The following LRRC37A2 variants were observed in gnomAD, a reference collection of about 807,000 sequenced individuals.
The protein encoded by LRRC37A2 is leucine rich repeat containing 37 member A2.
LRRC37A2 carries 9 observed loss-of-function variants against 68.8 expected under a neutral mutation model. The ratio of observed to expected loss-of-function variants is 0.13; its 90% confidence interval spans 0.08 to 0.23. The LOEUF (loss-of-function observed/expected upper bound fraction) is 0.23, where lower values mean the gene tolerates loss of function less well. LRRC37A2 is among the 10% of genes least tolerant of loss of function. LRRC37A2 has a pLI of 1.00. For missense variants in LRRC37A2, 168 were observed against 950.4 expected (o/e 0.18, Z 10.82); for synonymous variants, 63 against 367.6 (o/e 0.17, Z 9.48).
At chr17:46,942,439 C>T in the LRRC37A2 span, among the ~76,000 whole-genome samples, 2 of 152,176 alleles carry the variant, frequency 1.3e-5, no homozygotes, top group East Asian at 1.9e-4. Context: ...CACAGGAGTC[C>T]GAGAGGAGCT....
At chr17:46,900,157 A>G in the LRRC37A2 span, among the ~76,000 whole-genome samples, 2 of 63,622 alleles carry the variant, frequency 3.1e-5, no homozygotes, top group Non-Finnish European at 6.0e-5. Flanking sequence ...TTTTCTATAT[A>G]TATACATATA....
the LRRC37A2 span, among the ~76,000 whole-genome samples, chr17:46,950,525 A>T: frequency 6.6e-6 from 1 of 152,206 alleles, no homozygotes; most frequent in Non-Finnish European, 1.5e-5. Flanking sequence ...CCTATTGGAA[A>T]TGGAAGGGTA....
At chr17:46,938,407 G>C in the LRRC37A2 span, among the ~76,000 whole-genome samples, 3 of 152,126 alleles carry the variant, frequency 2.0e-5, no homozygotes, top group Non-Finnish European at 4.4e-5. Flanking sequence ...ACTTAGCGTT[G>C]CTCTGGTACC....
At chr17:46,836,207 C>T in the LRRC37A2 span, among the ~76,000 whole-genome samples, 1 of 150,956 alleles carries the variant, frequency 6.6e-6, no homozygotes, top group African/African-American at 2.4e-5. Context: ...GATATTGAAC[C>T]CTTACCCCCT....
chr17:46,858,684 A>G, the LRRC37A2 span, among the ~76,000 whole-genome samples: 11 of 152,306 alleles, frequency 7.2e-5, no homozygotes, highest in East Asian at 2.1e-3. Context: ...AGAACCATGT[A>G]GGATGGGTGT....
At chr17:46,950,221 C>T in the LRRC37A2 span, among the ~76,000 whole-genome samples, 2 of 152,216 alleles carry the variant, frequency 1.3e-5, no homozygotes, top group Non-Finnish European at 2.9e-5. Context: ...CTTCTCGTTC[C>T]TATCCCTCAC....
chr17:46,383,100 TTACTC>T, the LRRC37A2 span, among the ~76,000 whole-genome samples: 1 of 134,744 alleles, frequency 7.4e-6, no homozygotes, highest in South Asian at 2.7e-4. Context: ...TGCCATATAT[TTACTC>T]TACCTTTCTA....
the LRRC37A2 span, among the ~76,000 whole-genome samples, chr17:46,861,906 G>C: frequency 1.3e-5 from 2 of 152,330 alleles, no homozygotes; most frequent in East Asian, 3.9e-4. Context: ...GCTCATGCCT[G>C]TAATCCCAGC....
the LRRC37A2 span, among the ~76,000 whole-genome samples, chr17:46,915,973 C>G: frequency 6.6e-6 from 1 of 152,214 alleles, no homozygotes; most frequent in East Asian, 1.9e-4. Flanking sequence ...GTTGAGCCAC[C>G]TGTGTGGGTC....
At chr17:46,856,062 C>G in the LRRC37A2 span, among the ~76,000 whole-genome samples, 1 of 152,186 alleles carries the variant, frequency 6.6e-6, no homozygotes, top group Admixed American at 6.6e-5. Context: ...GTTTTTAAAT[C>G]ATAATTAACT....
At chr17:47,013,985 C>T in the LRRC37A2 span, among the ~76,000 whole-genome samples, 2 of 152,002 alleles carry the variant, frequency 1.3e-5, no homozygotes, top group Non-Finnish European at 2.9e-5. Context: ...CCCAGCTACT[C>T]AGGAGGCTGA....
the LRRC37A2 span, chr17:46,885,468 A>C: frequency 6.6e-6 from 1 of 151,926 alleles, no homozygotes; most frequent in Non-Finnish European, 1.4e-5. Context: ...ACGCTCAGCT[A>C]ATTTTTGTAT....
the LRRC37A2 span, chr17:46,939,779 C>G: frequency 1.8e-5 from 18 of 987,364 alleles, no homozygotes; most frequent in South Asian, 4.7e-5. Context: ...AACCTTTTTC[C>G]TTCTGTGACC....
chr17:46,676,335 C>G, the LRRC37A2 span, among the ~76,000 whole-genome samples: 1 of 137,798 alleles, frequency 7.3e-6, no homozygotes, highest in Non-Finnish European at 1.5e-5. Context: ...CAGGTTCAAG[C>G]AATTCTCCTG....
chr17:46,493,968 C>T, the LRRC37A2 span, among the ~76,000 whole-genome samples: 27 of 151,144 alleles, frequency 1.8e-4, 1 homozygote, highest in African/African-American at 5.2e-4. Flanking sequence ...CCTCAGCCTC[C>T]GAAGTAGTTA....
At chr17:47,044,040 C>A in the LRRC37A2 span, among the ~76,000 whole-genome samples, 5 of 94,090 alleles carry the variant, frequency 5.3e-5, no homozygotes, top group Non-Finnish European at 4.4e-5. Context: ...AGTGAGACTC[C>A]ATCTCAAAAA....
At chr17:46,786,195 A>T in the LRRC37A2 span, among the ~76,000 whole-genome samples, 2 of 151,718 alleles carry the variant, frequency 1.3e-5, no homozygotes, top group Admixed American at 6.6e-5. Context: ...GGACCTGGGG[A>T]GGAGGAAAGA....
chr17:46,709,254 C>T, the LRRC37A2 span, among the ~76,000 whole-genome samples: 1 of 151,826 alleles, frequency 6.6e-6, no homozygotes, highest in Non-Finnish European at 1.5e-5. Context: ...AAAAGTAACT[C>T]CAAGATTTTT....
chr17:46,777,301 C>A, the LRRC37A2 span, among the ~76,000 whole-genome samples: 1 of 152,268 alleles, frequency 6.6e-6, no homozygotes, highest in Non-Finnish European at 1.5e-5. Flanking sequence ...AAAGCCAGGC[C>A]GGCTGGCTTG....
Sources: gnomAD v4.1 joint callset for allele counts (sites outside exome capture counted in the v4.1 genomes callset) on GRCh38, gnomAD v4.1.1 for gene constraint, MANE v1.5 for transcripts, NCBI Gene and HGNC (gene_info 2026-07-23, HGNC 2026-07-21) for gene names.